The following LSAMP variants were observed in gnomAD, a reference collection of about 807,000 sequenced individuals.
LSAMP encodes limbic system associated membrane protein, also known as limbic system-associated membrane protein.
Under a neutral mutation model 38.6 loss-of-function variants are expected in LSAMP, and 7 were observed. The ratio of observed to expected loss-of-function variants is 0.18; its 90% confidence interval spans 0.10 to 0.34. LSAMP has a LOEUF of 0.34. Ranked by LOEUF, LSAMP falls within the 10% of genes least tolerant of loss-of-function variation. The pLI is 1.00. For synonymous variants in LSAMP, 154 were observed against 166.8 expected, an observed-to-expected ratio of 0.92 and a Z score of 0.59; for missense variants, 313 against 420.0, an observed-to-expected ratio of 0.75 and a Z score of 2.23.
At chr3:115,968,452 G>T (rs1314547299) in intron 3 of LSAMP, among the ~76,000 whole-genome samples, 1 of 152,132 alleles carries the variant, frequency 6.6e-6, no homozygotes, top group East Asian at 1.9e-4. Context: ...AAAGCAGCAG[G>T]TTCTCTTCTG....
intron 3 of LSAMP, among the ~76,000 whole-genome samples, chr3:115,858,158 TCTCTCTCA>T (rs144460476): frequency 1.3e-4 from 19 of 142,770 alleles, no homozygotes; most frequent in Admixed American, 7.4e-4. Flanking sequence ...TCTCTCTCTC[TCTCTCTCA>T]CACACACACA....
At chr3:115,826,271 C>T (rs764871861) in intron 6 of LSAMP, among the ~76,000 whole-genome samples, 9 of 152,034 alleles carry the variant, frequency 5.9e-5, no homozygotes, top group Non-Finnish European at 8.8e-5. Context: ...CCTGCCACCA[C>T]GCCCGGCTAA....
At chr3:116,301,785 G>A (rs1375776897) in intron 1 of LSAMP, among the ~76,000 whole-genome samples, 1 of 151,482 alleles carries the variant, frequency 6.6e-6, no homozygotes, top group Non-Finnish European at 1.5e-5. Flanking sequence ...AACTTATAAA[G>A]ATAATAGTTT....
chr3:116,140,713 AT>A (rs1709350282), intron 1 of LSAMP, among the ~76,000 whole-genome samples: 2 of 152,112 alleles, frequency 1.3e-5, no homozygotes, highest in African/African-American at 4.8e-5. Flanking sequence ...GCACACTAAC[AT>A]TCACGAAGCT....
At chr3:116,343,269 ACATGGGT>A (rs1437454573) in intron 1 of LSAMP, among the ~76,000 whole-genome samples, 1 of 152,110 alleles carries the variant, frequency 6.6e-6, no homozygotes, top group Non-Finnish European at 1.5e-5. Flanking sequence ...ACACAGTGAA[ACATGGGT>A]CACTAAAGAG....
intron 1 of LSAMP, among the ~76,000 whole-genome samples, chr3:116,381,399 G>T (rs774093405): frequency 6.6e-6 from 1 of 152,070 alleles, no homozygotes; most frequent in Non-Finnish European, 1.5e-5. Flanking sequence ...ATTGAGGGTT[G>T]TATATGGAAT....
At chr3:116,238,234 A>G (rs2046490000) in intron 1 of LSAMP, among the ~76,000 whole-genome samples, 1 of 152,166 alleles carries the variant, frequency 6.6e-6, no homozygotes, top group African/African-American at 2.4e-5. Flanking sequence ...ATTGTCTCCT[A>G]CGAAGTTATT....
intron 1 of LSAMP, among the ~76,000 whole-genome samples, chr3:116,273,683 C>CAGATATATATATATATATA (rs150705226): frequency 1.4e-4 from 7 of 50,528 alleles, no homozygotes; most frequent in African/African-American, 8.8e-4. Flanking sequence ...GAGAAAGAGG[C>CAGATATATATATATATATA]ATATATATAT....
chr3:115,953,435 ACACACAC>A (rs1559894821), intron 3 of LSAMP, among the ~76,000 whole-genome samples: 7 of 151,936 alleles, frequency 4.6e-5, no homozygotes, highest in African/African-American at 1.7e-4. Context: ...ACACACACAC[ACACACAC>A]AATGTCTAAA....
At chr3:116,031,538 C>CTTTTTTTTTTTTTTTTTTTTT (rs56951507) in intron 2 of LSAMP, among the ~76,000 whole-genome samples, 1 of 60,238 alleles carries the variant, frequency 1.7e-5, no homozygotes, top group Non-Finnish European at 3.2e-5. Context: ...AGCCTAAATT[C>CTTTTTTTTTTTTTTTTTTTTT]TTTTTTTTTT....
Position 116,445,103 on chromosome 3 carries a change from A to G in LSAMP, c.-72T>C. The G allele has an allele frequency of 2.7e-6, 4 of 1,474,566 alleles. No individual in the cohort carries two copies. The highest frequency in any genetic ancestry group is 1.9e-5 in the Admixed American group (1 of 51,866). 91.3% of individuals were successfully genotyped at this position (1,474,566 alleles called of 1,614,324 possible). A position where few individuals can be genotyped will look rare whatever the true frequency, so the allele number is the denominator to read the frequency against. On this transcript the variant is annotated 5_prime_UTR_variant, in exon 1 of 7. It removes the in-frame stop codon of an upstream open reading frame in the 5' UTR. Transcript: ENST00000490035. ...CGCGCTGCTCGCGAGGAGAGGCTTC[A>G]CCAACACGGGGCTTTCATCCACAGC...
At chr3:116,272,936 A>G (rs1470062405) in intron 1 of LSAMP, among the ~76,000 whole-genome samples, 2 of 152,226 alleles carry the variant, frequency 1.3e-5, no homozygotes, top group Non-Finnish European at 2.9e-5. Context: ...AACCTTTCAG[A>G]GTCAGGTAAA....
chr3:116,007,268 C>T (rs1453667066), intron 3 of LSAMP, among the ~76,000 whole-genome samples: 1 of 144,956 alleles, frequency 6.9e-6, no homozygotes, highest in African/African-American at 2.7e-5. Flanking sequence ...GCAGGTGACA[C>T]ATAAAGGAAA....
chr3:116,350,966 C>T (rs949299357), intron 1 of LSAMP, among the ~76,000 whole-genome samples: 9 of 151,894 alleles, frequency 5.9e-5, no homozygotes, highest in East Asian at 5.8e-4. Flanking sequence ...TGGTTTCAGG[C>T]GTCACTGAGG....
intron 6 of LSAMP, among the ~76,000 whole-genome samples, chr3:115,832,069 G>A (rs1218593021): frequency 2.0e-5 from 3 of 152,070 alleles, no homozygotes; most frequent in Non-Finnish European, 4.4e-5. Context: ...AAGGGGTTAG[G>A]ACTACATTCC....
Position 116,404,045 on chromosome 3 carries a change from A to C in LSAMP, c.155+40832T>G, listed in dbSNP as rs1000498312. On this transcript the variant is annotated intron_variant, in intron 1 of 6. Coordinates refer to ENST00000490035, the MANE Select transcript of LSAMP (RefSeq NM_002338.5). The stretch of plus-strand genomic sequence containing the variant: ...TCCCAAAGTCAGCTTAGAATTTTTT[A>C]TATGTTAAAATAGGAGATTAAAGGG... 2.6e-5 allele frequency among the ~76,000 whole-genome samples: 4 copies of C among 152,048 alleles called. No individual in the cohort carries two copies. The East Asian group carries it at 5.8e-4, about 22-fold the overall frequency.
chr3:115,822,335 C>T (rs1934266952), intron 6 of LSAMP, among the ~76,000 whole-genome samples: 1 of 146,858 alleles, frequency 6.8e-6, no homozygotes, highest in Non-Finnish European at 1.5e-5. Flanking sequence ...TCTTTTCTTT[C>T]TTTCTTCTTT....
chr3:116,385,839 G>A (rs1343041439), intron 1 of LSAMP, among the ~76,000 whole-genome samples: 1 of 152,082 alleles, frequency 6.6e-6, no homozygotes, highest in Non-Finnish European at 1.5e-5. Context: ...AGCCTTTGTG[G>A]TGTTAGTAGG....
chr3:116,257,496 G>A (rs1358549846), intron 1 of LSAMP, among the ~76,000 whole-genome samples: 1 of 152,090 alleles, frequency 6.6e-6, no homozygotes, highest in East Asian at 1.9e-4. Context: ...ATGGTGCAGT[G>A]TGACAGTTTT....
Sources: allele counts gnomAD v4.1 joint callset (sites outside exome capture counted in the v4.1 genomes callset), GRCh38; gene constraint gnomAD v4.1.1; transcripts MANE v1.5; gene names NCBI Gene and HGNC (gene_info 2026-07-23, HGNC 2026-07-21).